Variants in ROCK2 observed in about 807,000 individuals in gnomAD.
The protein encoded by ROCK2 is Rho associated coiled-coil containing protein kinase 2, also known as rho-associated protein kinase 2.
In ROCK2, 61 loss-of-function variants were observed where a neutral mutation model predicts 195.1. The observed-to-expected ratio is 0.31, with a 90% CI of 0.25 to 0.39. The LOEUF is 0.39. ROCK2 is among the 10% of genes least tolerant of loss of function. The probability of loss-of-function intolerance (pLI) is 1.00; values close to 1 mark genes in which losing one functional copy is unlikely to be tolerated. For missense variants in ROCK2, 1,109 were observed against 1,637.4 expected, an observed-to-expected ratio of 0.68 and a Z score of 5.57; for synonymous variants, 504 against 545.5, an observed-to-expected ratio of 0.92 and a Z score of 1.06.
Position 11,208,420 on chromosome 2 carries a change from C to A in ROCK2, c.2231G>T (p.Arg744Ile). 6.6e-7 allele frequency: 1 copy of A among 1,526,218 alleles called. No individual in the cohort carries two copies. The highest frequency in any genetic ancestry group is 1.3e-5 in the South Asian group (1 of 75,292). 94.5% of individuals were successfully genotyped at this position (1,526,218 alleles called of 1,614,324 possible). The change falls in exon 19 of 33, where the codon AGA becomes ATA. Residue 744 changes from arginine (R) to isoleucine (I), a missense_variant. Arg to Ile is a moderately conservative substitution (Grantham distance 97, BLOSUM62 -3). Around this residue, in one of 6 missense-constraint regions of ROCK2, gnomAD observed 542 missense variants for 672.0 expected, o/e 0.81. Transcript: ENST00000315872. ...GTTCTCCACTTTCTGTTTTAAAGTT[C>A]TTTCCTCCAAGAGCTTCTTCTCCAT... ...KEMEKKLLEE[R>I]TLKQKVENLL...
At chr2:11,342,313 G>T (rs1214647202) in intron 1 of ROCK2, among the ~76,000 whole-genome samples, 1 of 152,140 alleles carries the variant, frequency 6.6e-6, no homozygotes, top group Admixed American at 6.5e-5. Flanking sequence ...CTAAATGAAT[G>T]AACTGTGTCC....
chr2:11,234,657 C>G (rs1230101477), intron 5 of ROCK2: 1 of 151,858 alleles, frequency 6.6e-6, no homozygotes, highest in African/African-American at 2.4e-5. Flanking sequence ...TTAAGATAGA[C>G]AAAAATGGCC....
chr2:11,278,444 T>C (rs1666898486), intron 3 of ROCK2, among the ~76,000 whole-genome samples: 1 of 152,236 alleles, frequency 6.6e-6, no homozygotes, highest in Admixed American at 6.5e-5. Flanking sequence ...ATACATACCA[T>C]ATTATCTTTC....
chr2:11,324,658 C>T (rs1294363615), intron 1 of ROCK2, among the ~76,000 whole-genome samples: 1 of 152,066 alleles, frequency 6.6e-6, no homozygotes, highest in African/African-American at 2.4e-5. Flanking sequence ...ATGCATATTG[C>T]TAAGTAAAAG....
At chr2:11,209,156 T>C (rs1664164134) in intron 18 of ROCK2, among the ~76,000 whole-genome samples, 1 of 152,228 alleles carries the variant, frequency 6.6e-6, no homozygotes, top group South Asian at 2.1e-4. Context: ...TCCATAGGAC[T>C]TTCCATGTTA....
chr2:11,211,651 G>C (rs765545633), intron 18 of ROCK2, 30 bp downstream of exon 18: 1 of 1,545,310 alleles, frequency 6.5e-7, no homozygotes, highest in South Asian at 1.3e-5. Flanking sequence ...GGAAGACGCT[G>C]CTGGAAAACC....
chr2:11,212,997 C>G (rs1664300096), intron 17 of ROCK2, among the ~76,000 whole-genome samples: 3 of 152,184 alleles, frequency 2.0e-5, no homozygotes, highest in African/African-American at 7.2e-5. Flanking sequence ...TTAACAGCAT[C>G]ACTATATATC....
At chr2:11,343,781 C>A (rs1179486289) in intron 1 of ROCK2, among the ~76,000 whole-genome samples, 1 of 152,168 alleles carries the variant, frequency 6.6e-6, no homozygotes, top group East Asian at 1.9e-4. Flanking sequence ...ATGACACTGG[C>A]TCCAGCAGGA....
At chr2:11,302,373 G>A (rs1667735076) in intron 1 of ROCK2, among the ~76,000 whole-genome samples, 1 of 151,358 alleles carries the variant, frequency 6.6e-6, no homozygotes, top group Non-Finnish European at 1.5e-5. Flanking sequence ...AGGCTGGAGT[G>A]CAGTGGTATG....
intron 18 of ROCK2, 63 bp from the exon 19 acceptor site, chr2:11,208,510 G>T: frequency 4.2e-6 from 4 of 962,626 alleles, no homozygotes; most frequent in South Asian, 3.0e-5. Flanking sequence ...TCATAAATTT[G>T]TAAGTAAAAG....
intron 3 of ROCK2, among the ~76,000 whole-genome samples, chr2:11,276,584 T>C (rs192405462): frequency 7.2e-5 from 11 of 152,222 alleles, no homozygotes; most frequent in Non-Finnish European, 1.6e-4. Context: ...AAAATGACCA[T>C]TACCCAAAAC....
chr2:11,255,812 C>T (rs1306501524), intron 3 of ROCK2, among the ~76,000 whole-genome samples: 2 of 147,250 alleles, frequency 1.4e-5, no homozygotes, highest in East Asian at 2.0e-4. Context: ...CTCAGCTACT[C>T]GGGAGGCTGA....
At chr2:11,344,764 C>A (rs547693140), upstream of ROCK2, among the ~76,000 whole-genome samples, 7 of 150,122 alleles carry the variant, frequency 4.7e-5, no homozygotes, top group African/African-American at 1.5e-4. This position sits in a 1 kb window ranked among gnomAD's most constrained non-coding sequence, Gnocchi z 5.4. Context: ...TCTTTCCCTT[C>A]CTGCGTCTGT....
In ROCK2 at chr2:11,180,348, T is replaced by C. The variant is rs1456525111; in HGVS notation, c.*3089A>G. On this transcript the variant is annotated 3_prime_UTR_variant, in exon 33 of 33. Transcript: ENST00000315872. The stretch of plus-strand genomic sequence containing the variant: ...ATAAATGGATGCAAAATAGATACTT[T>C]AGAGCCAGATTCATGTAACTCTAAC... The C allele has an allele frequency of 1.3e-5, 2 of 152,208 alleles. No homozygotes were observed. Among genetic ancestry groups the C allele is most frequent in the African/African-American group, 2.4e-5 (1 of 41,454 alleles). The allele number at this position is 152,208 out of a possible 1,614,324, so 9.4% of individuals were successfully genotyped here.
intron 3 of ROCK2, among the ~76,000 whole-genome samples, chr2:11,278,903 C>T (rs933762948): frequency 2.0e-5 from 3 of 152,002 alleles, no homozygotes; most frequent in East Asian, 1.9e-4. Context: ...CATTAGCCAC[C>T]GTGCCCAGCT....
chr2:11,278,498 C>T (rs1282423120), intron 3 of ROCK2, among the ~76,000 whole-genome samples: 1 of 152,144 alleles, frequency 6.6e-6, no homozygotes, highest in African/African-American at 2.4e-5. Context: ...TATCTTGGCT[C>T]TTATGAATAA....
At chr2:11,184,325 T>C (rs921680663) in intron 32 of ROCK2, among the ~76,000 whole-genome samples, 1 of 152,220 alleles carries the variant, frequency 6.6e-6, no homozygotes, top group Non-Finnish European at 1.5e-5. Flanking sequence ...AATATAGCTG[T>C]AGGAACTTGA....
At chr2:11,309,190 A>AG in intron 1 of ROCK2, among the ~76,000 whole-genome samples, 2 of 152,090 alleles carry the variant, frequency 1.3e-5, no homozygotes, top group South Asian at 4.2e-4. Flanking sequence ...TTAAAAAAAA[A>AG]AAAACTACCG....
chr2:11,247,068 T>C (rs1187150617), intron 4 of ROCK2, among the ~76,000 whole-genome samples: 3 of 152,218 alleles, frequency 2.0e-5, no homozygotes, highest in Non-Finnish European at 2.9e-5. Context: ...AATGAATGAA[T>C]GTCAAAACAT....
Sources: allele counts gnomAD v4.1 joint callset (sites outside exome capture counted in the v4.1 genomes callset), GRCh38; gene constraint gnomAD v4.1.1; regional missense constraint gnomAD v4.1.1; non-coding constraint Gnocchi (gnomAD v3.1); transcripts MANE v1.5; gene names NCBI Gene and HGNC (gene_info 2026-07-23, HGNC 2026-07-21).